The following ZSWIM6 variants were observed in gnomAD, a reference collection of about 807,000 sequenced individuals.
ZSWIM6 encodes zinc finger SWIM domain-containing protein 6.
A neutral mutation model predicts 113.2 loss-of-function variants in ZSWIM6; 9 were observed. That is an observed-to-expected ratio of 0.08 (90% CI 0.05 to 0.14). The LOEUF is 0.14. ZSWIM6 is among the 10% of genes least tolerant of loss of function. The pLI, the probability that ZSWIM6 is intolerant of heterozygous loss-of-function variation, is 1.00. For missense variants in ZSWIM6, 1,162 were observed against 1,552.2 expected, an observed-to-expected ratio of 0.75 and a Z score of 4.22; for synonymous variants, 611 against 606.5, an observed-to-expected ratio of 1.01 and a Z score of -0.11.
chr5:61,431,770 A>C (rs1746588616), intron 1 of ZSWIM6, among the ~76,000 whole-genome samples: 1 of 152,140 alleles, frequency 6.6e-6, no homozygotes, highest in African/African-American at 2.4e-5. Context: ...AAAAAACAAA[A>C]AAAACTTTGA....
chr5:61,379,987 GT>G (rs959479424), intron 1 of ZSWIM6, among the ~76,000 whole-genome samples: 4 of 152,118 alleles, frequency 2.6e-5, no homozygotes, highest in Admixed American at 2.6e-4. Context: ...GATATTTAAG[GT>G]GAGAAAATAG....
At chr5:61,401,944 C>A (rs1745946765) in intron 1 of ZSWIM6, among the ~76,000 whole-genome samples, 1 of 152,126 alleles carries the variant, frequency 6.6e-6, no homozygotes, top group Non-Finnish European at 1.5e-5. Context: ...CTCCCTCCTG[C>A]CAAGTACTTG....
At chr5:61,535,713 G>A in intron 10 of ZSWIM6, 94 bp downstream of exon 10, 4 of 1,443,716 alleles carry the variant, frequency 2.8e-6, no homozygotes, top group African/African-American at 1.4e-5. Flanking sequence ...TTTCTTATAG[G>A]CAGCAGAAAA....
intron 1 of ZSWIM6, among the ~76,000 whole-genome samples, chr5:61,361,111 C>T (rs567062503): frequency 8.5e-5 from 13 of 152,100 alleles, no homozygotes; most frequent in African/African-American, 3.1e-4. Context: ...GAGTAGGTCC[C>T]AATGTGGACT....
chr5:61,377,915 G>A (rs1745404593), intron 1 of ZSWIM6, among the ~76,000 whole-genome samples: 2 of 152,172 alleles, frequency 1.3e-5, no homozygotes. Flanking sequence ...AGAAGGTGAG[G>A]TGCTCACTTG....
intron 1 of ZSWIM6, among the ~76,000 whole-genome samples, chr5:61,412,052 CTT>C (rs1746158695): frequency 2.6e-5 from 4 of 152,162 alleles, no homozygotes; most frequent in African/African-American, 7.2e-5. Flanking sequence ...AAAAATTGAT[CTT>C]TGTTATGTTA....
chr5:61,363,507 G>A (rs1745076328), intron 1 of ZSWIM6, among the ~76,000 whole-genome samples: 1 of 152,034 alleles, frequency 6.6e-6, no homozygotes, highest in Non-Finnish European at 1.5e-5. Context: ...ATCCCAAAGT[G>A]TTCTCATACT....
At chr5:61,389,554 C>CAAAAAAAAAA (rs60533774) in intron 1 of ZSWIM6, among the ~76,000 whole-genome samples, 2 of 50,984 alleles carry the variant, frequency 3.9e-5, no homozygotes, top group African/African-American at 7.4e-5. Context: ...GACTCAGTCT[C>CAAAAAAAAAA]AAAAAAAAAA....
intron 1 of ZSWIM6, among the ~76,000 whole-genome samples, chr5:61,361,790 G>A (rs1420361578): frequency 6.6e-6 from 1 of 152,188 alleles, no homozygotes; most frequent in Non-Finnish European, 1.5e-5. Context: ...TATGTTGAAA[G>A]CATTTGCTCC....
intron 1 of ZSWIM6, among the ~76,000 whole-genome samples, chr5:61,347,971 C>G (rs1355849951): frequency 6.6e-6 from 1 of 152,158 alleles, no homozygotes; most frequent in East Asian, 1.9e-4. Context: ...CCTGTAATCC[C>G]AGCACTTTGG....
At chr5:61,396,290 T>G (rs1041275514) in intron 1 of ZSWIM6, among the ~76,000 whole-genome samples, 1 of 152,070 alleles carries the variant, frequency 6.6e-6, no homozygotes, top group Non-Finnish European at 1.5e-5. Flanking sequence ...TCCCAGCACT[T>G]TGGGAGGCTG....
At chr5:61,420,628 C>T (rs932305335) in intron 1 of ZSWIM6, among the ~76,000 whole-genome samples, 1 of 151,840 alleles carries the variant, frequency 6.6e-6, no homozygotes. Flanking sequence ...CACGTTAGAA[C>T]AATTTGATTT....
chr5:61,472,746 G>T lies in ZSWIM6; in HGVS notation c.742G>T (p.Val248Leu). 6.4e-7 allele frequency: 1 copy of T among 1,550,996 alleles called. No individual in the cohort carries two copies. Among genetic ancestry groups the T allele is most frequent in the Non-Finnish European group, 8.7e-7 (1 of 1,146,532 alleles). Residue 248 changes from valine to leucine, a missense_variant, in exon 2 of 14, where the codon GTG (valine) becomes TTG (leucine). Transcript: ENST00000252744. This position sits in a 1 kb window ranked among gnomAD's most constrained non-coding sequence, Gnocchi z 4.1. ...ATCGGAGCCAGAAACTGTTTGCAAC[G>T]TGGCCATCAGCTTTGATCGTTGCAA... is the stretch of plus-strand genomic sequence containing the variant. Reference protein sequence around the residue: ...IQSEPETVCNVAISFDRCKIT... With the variant: ...IQSEPETVCNLAISFDRCKIT...
intron 4 of ZSWIM6, among the ~76,000 whole-genome samples, chr5:61,495,653 G>T (rs1748296286): frequency 6.6e-6 from 1 of 152,100 alleles, no homozygotes; most frequent in African/African-American, 2.4e-5. Context: ...CGATGTATTA[G>T]AATGATGTTT....
chr5:61,346,762 A>G (rs1744667090), intron 1 of ZSWIM6, among the ~76,000 whole-genome samples: 2 of 152,206 alleles, frequency 1.3e-5, no homozygotes, highest in African/African-American at 4.8e-5. Context: ...CTCCCTTAGC[A>G]ACTTACTAAA....
At chr5:61,423,681 T>C (rs939134488) in intron 1 of ZSWIM6, among the ~76,000 whole-genome samples, 5 of 152,074 alleles carry the variant, frequency 3.3e-5, no homozygotes, top group African/African-American at 1.2e-4. Flanking sequence ...TGCATTCCAC[T>C]GTCAGTAGGA....
At chr5:61,518,892 G>A (rs1203942116) in intron 4 of ZSWIM6, among the ~76,000 whole-genome samples, 1 of 151,930 alleles carries the variant, frequency 6.6e-6, no homozygotes, top group African/African-American at 2.4e-5. Flanking sequence ...GTAATGCCTA[G>A]GTTTTCTTCT....
chr5:61,464,306 C>T (rs996868889), intron 1 of ZSWIM6, among the ~76,000 whole-genome samples: 3 of 151,644 alleles, frequency 2.0e-5, no homozygotes, highest in African/African-American at 7.3e-5. Context: ...CAGGCGTGAG[C>T]CACCATGCCT....
At chr5:61,525,664 C>A in intron 5 of ZSWIM6, 136 bp from the exon 6 acceptor site, 1 of 991,868 alleles carries the variant, frequency 1.0e-6, no homozygotes, top group Non-Finnish European at 1.5e-6. Flanking sequence ...AGTATTCACC[C>A]TTCACCCTTC....
Sources: gnomAD v4.1 joint callset for allele counts (sites outside exome capture counted in the v4.1 genomes callset) on GRCh38, gnomAD v4.1.1 for gene constraint, Gnocchi (gnomAD v3.1) non-coding constraint, MANE v1.5 for transcripts, NCBI Gene and HGNC (gene_info 2026-07-23, HGNC 2026-07-21) for gene names.